CAPN2: variants seen among roughly 807,000 people sequenced by gnomAD.
CAPN2 encodes calpain-2 catalytic subunit.
In CAPN2, 92 loss-of-function variants were observed where a neutral mutation model predicts 102.3. That is an observed-to-expected ratio of 0.90 (90% CI 0.76 to 1.07). The LOEUF (loss-of-function observed/expected upper bound fraction) is 1.07. Ranked by LOEUF, CAPN2 falls within the 50% of genes least tolerant of loss-of-function variation. The probability of loss-of-function intolerance (pLI) is 0.00; values close to 1 mark genes in which losing one functional copy is unlikely to be tolerated. For synonymous variants in CAPN2, 340 were observed against 355.4 expected (o/e 0.96, Z 0.49); for missense variants, 800 against 909.4 (o/e 0.88, Z 1.55).
chr1:223,770,361 T>C (rs1661440483), intron 17 of CAPN2, 86 bp from the exon 18 acceptor site: 1 of 837,940 alleles, frequency 1.2e-6, no homozygotes, highest in African/African-American at 1.7e-5. Flanking sequence ...CTGGAAAAAC[T>C]TCATCCCCAC....
At chr1:223,741,850 C>T (rs1246188331) in intron 2 of CAPN2, among the ~76,000 whole-genome samples, 2 of 152,098 alleles carry the variant, frequency 1.3e-5, no homozygotes, top group African/African-American at 2.4e-5. Context: ...GATCTTGGCT[C>T]ACTGCAGACT....
In CAPN2 at chr1:223,755,063, C is replaced by T. The variant is rs569844447; in HGVS notation, c.1136-417C>T. 6.6e-6 allele frequency among the ~76,000 whole-genome samples: 1 copy of T among 152,234 alleles called. No individual in the cohort carries two copies. The highest frequency in any genetic ancestry group is 2.1e-4 in the South Asian group (1 of 4,826). On this transcript the variant is annotated intron_variant, in intron 9 of 20. Transcript: ENST00000295006. The surrounding 1 kb of genome is among the most constrained non-coding windows in gnomAD (Gnocchi z 4.1). Reference sequence around the variant, plus strand: ...GATTCAGACAAGTGCAGGTCATCCTCTCTCCACAGCTACCGTCACCCGTCT... The same window carrying T: ...GATTCAGACAAGTGCAGGTCATCCTTTCTCCACAGCTACCGTCACCCGTCT...
chr1:223,729,055 C>A (rs1254216522), intron 2 of CAPN2, among the ~76,000 whole-genome samples: 1 of 152,226 alleles, frequency 6.6e-6, no homozygotes, highest in Non-Finnish European at 1.5e-5. Flanking sequence ...ACCAAGCCGC[C>A]ATTTTCTTCT....
chr1:223,749,304 G>C (rs1334883595), intron 6 of CAPN2, 182 bp downstream of exon 6: 13 of 604,912 alleles, frequency 2.1e-5, no homozygotes, highest in South Asian at 1.6e-4. Flanking sequence ...CGGGCGCCGG[G>C]TGCGCCGCGC....
intron 1 of CAPN2, among the ~76,000 whole-genome samples, chr1:223,703,870 G>A (rs1659540975): frequency 6.6e-6 from 1 of 152,178 alleles, no homozygotes; most frequent in Admixed American, 6.5e-5. Context: ...AACTCATCAA[G>A]AGGGAAAAGT....
intron 1 of CAPN2, among the ~76,000 whole-genome samples, chr1:223,705,901 T>C (rs185103905): frequency 9.9e-5 from 15 of 152,266 alleles, no homozygotes; most frequent in East Asian, 3.9e-4. Flanking sequence ...GTGTGAACTA[T>C]GCAAAGTAGG....
upstream of CAPN2, chr1:223,712,415 G>T (rs1659752020): frequency 9.3e-7 from 1 of 1,074,540 alleles, no homozygotes; most frequent in Admixed American, 5.3e-5. Flanking sequence ...CCCGGCGCTC[G>T]GCAGGCCGCA....
chr1:223,712,355 A>C, upstream of CAPN2: 18 of 719,002 alleles, frequency 2.5e-5, no homozygotes, highest in African/African-American at 3.9e-5. Flanking sequence ...GGGCCGCGCC[A>C]TCCCGGGAGC....
rs574232182 is a variant in CAPN2 at position 223,759,879 on chromosome 1, G to T, written c.1529+398G>T. Reference sequence around the variant, plus strand: ...CACCTGGCCTAGCAGAGCCACCAAGGGTGTAAGGTGGGAACCATCTCAACG... The same window carrying T: ...CACCTGGCCTAGCAGAGCCACCAAGTGTGTAAGGTGGGAACCATCTCAACG... On this transcript the variant is annotated intron_variant, in intron 12 of 20. Transcript: ENST00000295006. The surrounding 1 kb of genome is among the most constrained non-coding windows in gnomAD (Gnocchi z 4.6). Among the ~76,000 whole-genome samples the T allele has an allele frequency of 6.6e-6, 1 of 152,104 alleles. No individual in the cohort carries two copies. The highest frequency in any genetic ancestry group is 2.4e-5 in the African/African-American group (1 of 41,412).
chr1:223,760,289 A>T (rs1381436643), intron 12 of CAPN2, among the ~76,000 whole-genome samples: 4 of 152,084 alleles, frequency 2.6e-5, no homozygotes, highest in African/African-American at 9.7e-5. Context: ...AGGTCTAAAG[A>T]TCTTGTGGAG....
rs1412759005 is a variant in CAPN2, at chr1:223,756,686, G to A, written c.1306-683G>A. 6.6e-6 allele frequency among the ~76,000 whole-genome samples: 1 copy of A among 152,198 alleles called. No individual in the cohort carries two copies. Among genetic ancestry groups the A allele is most frequent in the African/African-American group, 2.4e-5 (1 of 41,446 alleles). On this transcript the variant is annotated intron_variant, in intron 10 of 20. Transcript: ENST00000295006. The surrounding 1 kb of genome is among the most constrained non-coding windows in gnomAD (Gnocchi z 4.1). ...GACTTCTACCTGCTCACCCACCTGA[G>A]AAAGGCAGCTGGGCAAATACCATCA...
At chr1:223,711,414 C>T (rs1450715501), upstream of CAPN2, among the ~76,000 whole-genome samples, 1 of 152,184 alleles carries the variant, frequency 6.6e-6, no homozygotes, top group East Asian at 1.9e-4. Flanking sequence ...TCTAAATGCT[C>T]TCTCCCTATA....
chr1:223,775,038 GTA>G lies in CAPN2; in HGVS notation c.*182_*183del. 1 of 617,568 alleles carries G rather than the reference GTA, an allele frequency of 1.6e-6. No homozygotes were observed. The highest frequency in any genetic ancestry group is 2.8e-6 in the Non-Finnish European group (1 of 350,896). 38.3% of individuals were successfully genotyped at this position (617,568 alleles called of 1,614,324 possible). ...GATAGCAGAAGTTTCACACATCAAAGTAAAAGATTTGCATATCATTATACTAA... is the reference window on the plus strand; with the variant it reads ...GATAGCAGAAGTTTCACACATCAAAGAAAGATTTGCATATCATTATACTAA... On this transcript the variant is annotated 3_prime_UTR_variant, in exon 21 of 21. Transcript: ENST00000295006.
intron 2 of CAPN2, among the ~76,000 whole-genome samples, chr1:223,724,600 G>A (rs955692420): frequency 1.1e-4 from 17 of 152,288 alleles, no homozygotes; most frequent in African/African-American, 2.2e-4. Context: ...AGACTGTTGC[G>A]CTCTGGAATC....
rs1293188049 is a variant in CAPN2, at chr1:223,756,489, G to C, written c.1305+840G>C. 6.6e-6 allele frequency among the ~76,000 whole-genome samples: 1 copy of C among 152,158 alleles called. No individual in the cohort carries two copies. Among genetic ancestry groups the C allele is most frequent in the African/African-American group, 2.4e-5 (1 of 41,424 alleles). On this transcript the variant is annotated intron_variant, in intron 10 of 20. Transcript: ENST00000295006. This position sits in a 1 kb window ranked among gnomAD's most constrained non-coding sequence, Gnocchi z 4.1. ...GAGGTCCTTCAGCAGCCTGAAAAAT[G>C]GCCCTGGCAGGGACCTGTTTACACC...
At chr1:223,722,464 G>A (rs564217718) in intron 2 of CAPN2, among the ~76,000 whole-genome samples, 25 of 151,286 alleles carry the variant, frequency 1.7e-4, no homozygotes, top group African/African-American at 6.1e-4. Flanking sequence ...ATTTTTGTGT[G>A]TGTCTGTGTG....
At chr1:223,760,690 C>T (rs942515112) in intron 12 of CAPN2, among the ~76,000 whole-genome samples, 5 of 152,178 alleles carry the variant, frequency 3.3e-5, no homozygotes, top group African/African-American at 1.2e-4. Context: ...ACTCTCCCTG[C>T]CAGCCACAAG....
At chr1:223,743,193 G>A (rs1660667741) in intron 2 of CAPN2, among the ~76,000 whole-genome samples, 1 of 152,180 alleles carries the variant, frequency 6.6e-6, no homozygotes, top group South Asian at 2.1e-4. Context: ...GGGTTCTGAG[G>A]CTCAGAGAGG....
chr1:223,762,074 C>T (rs1310179314), intron 13 of CAPN2, 112 bp from the exon 14 acceptor site: 1 of 822,764 alleles, frequency 1.2e-6, no homozygotes, highest in Non-Finnish European at 2.0e-6. Context: ...AATTTGGGCC[C>T]CAGGGAGGGG....
Sources: gnomAD v4.1 joint callset for allele counts (sites outside exome capture counted in the v4.1 genomes callset) on GRCh38, gnomAD v4.1.1 for gene constraint, Gnocchi (gnomAD v3.1) non-coding constraint, MANE v1.5 for transcripts, NCBI Gene and HGNC (gene_info 2026-07-23, HGNC 2026-07-21) for gene names.